The following EIF4ENIF1 variants were observed in gnomAD, a reference collection of about 807,000 sequenced individuals.
The protein encoded by EIF4ENIF1 is eukaryotic translation initiation factor 4E transporter.
Under a neutral mutation model 110.5 loss-of-function variants are expected in EIF4ENIF1, and 23 were observed. That is an observed-to-expected ratio of 0.21 (90% CI 0.15 to 0.29). The LOEUF (loss-of-function observed/expected upper bound fraction) is 0.29. EIF4ENIF1 is among the 10% of genes least tolerant of loss of function. The probability of loss-of-function intolerance (pLI) is 1.00; values close to 1 mark genes in which losing one functional copy is unlikely to be tolerated. For synonymous variants in EIF4ENIF1, 440 were observed against 437.0 expected (o/e 1.01, Z -0.09); for missense variants, 1,031 against 1,221.1 (o/e 0.84, Z 2.32).
At chr22:31,452,704 C>G (rs1161345693) in intron 10 of EIF4ENIF1, among the ~76,000 whole-genome samples, 1 of 152,160 alleles carries the variant, frequency 6.6e-6, no homozygotes, top group Non-Finnish European at 1.5e-5. Flanking sequence ...GGATAGTCTA[C>G]CATCTTTCAG....
rs2050899234 is a variant in EIF4ENIF1 at position 31,458,613 on chromosome 22, A to C, written c.825T>G (p.Asp275Glu). The C allele has an allele frequency of 6.2e-7, 1 of 1,610,950 alleles. No individual in the cohort carries two copies. The change falls in exon 7 of 19, where the codon GAT (aspartate) becomes GAG (glutamate). Residue 275 changes from aspartate (D) to glutamate (E), a missense_variant. Coordinates refer to ENST00000330125, the MANE Select transcript of EIF4ENIF1 (RefSeq NM_019843.4). ...VECNGGVAEEDEVEVILAQEP... is the reference protein window; with the variant it reads ...VECNGGVAEEEEVEVILAQEP... ...CCTGTGCAAGGATGACCTCCACTTC[A>C]TCCTCTTCGGCCACTCCTCCATTGC...
intron 2 of EIF4ENIF1, among the ~76,000 whole-genome samples, chr22:31,474,071 T>C (rs1383465248): frequency 6.6e-6 from 1 of 152,032 alleles, no homozygotes; most frequent in Non-Finnish European, 1.5e-5. Context: ...CCTCTTTTTT[T>C]TTTTTTGAGA....
intron 2 of EIF4ENIF1, among the ~76,000 whole-genome samples, chr22:31,482,331 C>T (rs2051848390): frequency 6.6e-6 from 1 of 152,142 alleles, no homozygotes; most frequent in Non-Finnish European, 1.5e-5. Context: ...AATAAGGAAT[C>T]AGTGGCAAAA....
Position 31,439,720 on chromosome 22 carries a change from C to T in EIF4ENIF1, c.*160G>A. ...ACACTCCACTCGACTGGTTAAGATC[C>T]TTCCATCATAATGCGGACCACACCA... On this transcript the variant is annotated 3_prime_UTR_variant, in exon 19 of 19. Coordinates refer to ENST00000330125, the MANE Select transcript of EIF4ENIF1 (RefSeq NM_019843.4). 1.0e-6 allele frequency: 1 copy of T among 989,528 alleles called. No individual in the cohort carries two copies. Among genetic ancestry groups the T allele is most frequent in the Non-Finnish European group, 1.4e-6 (1 of 691,932 alleles). 61.3% of individuals were successfully genotyped at this position (989,528 alleles called of 1,614,324 possible). A position where few individuals can be genotyped will look rare whatever the true frequency, so the allele number is the denominator to read the frequency against.
chr22:31,489,132 AG>A (rs1346894544), intron 1 of EIF4ENIF1: 1 of 164,176 alleles, frequency 6.1e-6, no homozygotes, highest in African/African-American at 2.4e-5. Context: ...TCTGTTGGAA[AG>A]TGCCTGTCAC....
intron 15 of EIF4ENIF1, among the ~76,000 whole-genome samples, chr22:31,443,605 TCA>T (rs1437978284): frequency 3.3e-5 from 5 of 152,196 alleles, no homozygotes; most frequent in Non-Finnish European, 5.9e-5. Context: ...TTGCCTTTTC[TCA>T]CCAAACAACC....
intron 4 of EIF4ENIF1, among the ~76,000 whole-genome samples, chr22:31,464,699 A>C (rs5997994): frequency 2.6e-5 from 1 of 39,112 alleles, no homozygotes; most frequent in Admixed American, 2.6e-4. Flanking sequence ...AAAAAAAAAA[A>C]ATATATATAT....
At position 31,448,195 on chromosome 22, in the gene EIF4ENIF1, T is replaced by C; in HGVS notation, c.1806A>G (p.Pro602=). 1 of 1,614,186 alleles carries C rather than the reference T, an allele frequency of 6.2e-7. No homozygotes were observed. Among genetic ancestry groups the C allele is most frequent in the Non-Finnish European group, 8.5e-7 (1 of 1,180,020 alleles). ...TCATGGGTTTGCGCATGCCTTGGAA[T>C]GGATCTCCGAGTAGCTGCTGTGGTC... The part of the protein sequence containing the change: ...TPGPQQLLGD[P]FQGMRKPMSP... The change falls in exon 13 of 19, where the codon CCA becomes CCG. Residue 602 remains proline (P), a synonymous_variant. Transcript: ENST00000330125.
intron 10 of EIF4ENIF1, among the ~76,000 whole-genome samples, chr22:31,451,571 G>A (rs2050677169): frequency 6.6e-6 from 1 of 151,966 alleles, no homozygotes; most frequent in African/African-American, 2.4e-5. Flanking sequence ...ACCGCACCCG[G>A]CAACTTTATT....
In EIF4ENIF1 at chr22:31,481,342, T is replaced by TA. The variant is rs1424707193; in HGVS notation, c.96+7280dup. Among the ~76,000 whole-genome samples the TA allele has an allele frequency of 6.5e-5, 9 of 137,678 alleles. 1 individual carries two copies. The South Asian group carries it at 1.6e-3, about 25-fold the overall frequency. 90.3% of individuals were successfully genotyped at this position (137,678 alleles called of 152,430 possible). A position where few individuals can be genotyped will look rare whatever the true frequency, so the allele number is the denominator to read the frequency against. ...CACCTCTGGCAATTTTTTTTTTTTT[T>TA]AACGAGATGGGGTCTCACTATATTG... On this transcript the variant is annotated intron_variant, in intron 2 of 18. Transcript: ENST00000330125.
intron 2 of EIF4ENIF1, among the ~76,000 whole-genome samples, chr22:31,475,984 T>C (rs1420885930): frequency 6.6e-6 from 1 of 152,044 alleles, no homozygotes; most frequent in Non-Finnish European, 1.5e-5. Context: ...GATGGAGCAA[T>C]AGTAATTATG....
chr22:31,479,795 A>G (rs1274728667), intron 2 of EIF4ENIF1, among the ~76,000 whole-genome samples: 1 of 150,786 alleles, frequency 6.6e-6, no homozygotes, highest in East Asian at 2.0e-4. Flanking sequence ...CTGCAGCCTC[A>G]AAACTCATGG....
intron 4 of EIF4ENIF1, among the ~76,000 whole-genome samples, chr22:31,465,238 G>A (rs368348690): frequency 2.8e-4 from 42 of 150,506 alleles, no homozygotes; most frequent in Admixed American, 6.0e-4. Flanking sequence ...CAGGAGAATC[G>A]CTTAAACCTG....
At chr22:31,443,240 G>C in intron 15 of EIF4ENIF1, 146 bp from the exon 16 acceptor site, 1 of 1,195,966 alleles carries the variant, frequency 8.4e-7, no homozygotes, top group Non-Finnish European at 1.1e-6. Context: ...GTAGCTGCTG[G>C]AGGAAAAACA....
At chr22:31,454,121 G>A in intron 10 of EIF4ENIF1, 23 bp downstream of exon 10, 1 of 1,596,474 alleles carries the variant, frequency 6.3e-7, no homozygotes, top group Non-Finnish European at 8.6e-7. Context: ...GAAAAGGGTG[G>A]GGGGTTTGTG....
intron 6 of EIF4ENIF1, among the ~76,000 whole-genome samples, chr22:31,460,783 A>G (rs1225477382): frequency 1.3e-5 from 2 of 151,976 alleles, no homozygotes; most frequent in Admixed American, 1.3e-4. Context: ...CATCTCTACT[A>G]AAAATACAAA....
At chr22:31,438,837 C>G (rs62236215), downstream of EIF4ENIF1, among the ~76,000 whole-genome samples, 6,356 of 152,044 alleles carry the variant, frequency 0.042, 123 homozygotes, top group Non-Finnish European at 0.051. Flanking sequence ...ATTCTTCTGT[C>G]TCAGCCTCCC....
chr22:31,456,526 T>A (rs1293082963), intron 7 of EIF4ENIF1, among the ~76,000 whole-genome samples: 1 of 150,254 alleles, frequency 6.7e-6, no homozygotes, highest in East Asian at 2.0e-4. Flanking sequence ...CCCGGTCTAC[T>A]ATTTTTTTAA....
chr22:31,471,964 C>T, intron 2 of EIF4ENIF1, 47 bp from the exon 3 acceptor site: 6 of 1,458,202 alleles, frequency 4.1e-6, no homozygotes, highest in South Asian at 1.2e-5. Flanking sequence ...TTTCTTAGGC[C>T]ACACACTTTA....
Sources: allele counts gnomAD v4.1 joint callset (sites outside exome capture counted in the v4.1 genomes callset), GRCh38; gene constraint gnomAD v4.1.1; transcripts MANE v1.5; gene names NCBI Gene and HGNC (gene_info 2026-07-23, HGNC 2026-07-21).